Variants in DYSF observed in about 807,000 individuals in gnomAD.
DYSF encodes the protein dysferlin.
In DYSF, 212 loss-of-function variants were observed where a neutral mutation model predicts 274.9. The observed-to-expected ratio is 0.77, with a 90% CI of 0.69 to 0.86. The LOEUF (loss-of-function observed/expected upper bound fraction) is 0.86, where lower values mean the gene tolerates loss of function less well. Ranked by LOEUF, DYSF falls within the 40% of genes least tolerant of loss-of-function variation. The pLI, the probability that DYSF is intolerant of heterozygous loss-of-function variation, is 0.00. For synonymous variants in DYSF, 1,091 were observed against 1,078.7 expected, an observed-to-expected ratio of 1.01 and a Z score of -0.22; for missense variants, 2,666 against 2,783.2, an observed-to-expected ratio of 0.96 and a Z score of 0.95.
intron 30 of DYSF, among the ~76,000 whole-genome samples, chr2:71,585,469 A>G (rs1000028590): frequency 6.6e-6 from 1 of 152,054 alleles, no homozygotes; most frequent in East Asian, 1.9e-4. Flanking sequence ...CGGGAGGGAG[A>G]TGCTTCCCCA....
chr2:71,520,513 C>T (rs932150908), intron 11 of DYSF, among the ~76,000 whole-genome samples: 1 of 152,214 alleles, frequency 6.6e-6, no homozygotes, highest in African/African-American at 2.4e-5. Context: ...TTTCTCCTCA[C>T]CCTGGTTTCC....
chr2:71,646,785 C>G (rs945263731), intron 42 of DYSF, among the ~76,000 whole-genome samples: 3 of 152,128 alleles, frequency 2.0e-5, no homozygotes, highest in African/African-American at 7.2e-5. Flanking sequence ...GTGACAAGGA[C>G]TCTTAGACTA....
chr2:71,581,858 G>T (rs1043581534), intron 30 of DYSF, among the ~76,000 whole-genome samples: 6 of 152,168 alleles, frequency 3.9e-5, no homozygotes, highest in Non-Finnish European at 7.3e-5. Flanking sequence ...TTGTAAATAA[G>T]GCTTTATTGG....
chr2:71,675,624 C>T (rs183618908), intron 52 of DYSF, among the ~76,000 whole-genome samples: 45 of 152,278 alleles, frequency 3.0e-4, no homozygotes, highest in African/African-American at 9.9e-4. Flanking sequence ...GTGCAAAAAG[C>T]GTGGCACCAA....
intron 41 of DYSF, among the ~76,000 whole-genome samples, chr2:71,641,938 A>T (rs371875755): frequency 7.9e-5 from 12 of 152,246 alleles, no homozygotes; most frequent in African/African-American, 2.9e-4. Context: ...TGCTCCAAAG[A>T]TGCTGGAAAA....
intron 36 of DYSF, among the ~76,000 whole-genome samples, chr2:71,605,499 G>C (rs2093630308): frequency 6.6e-6 from 1 of 152,152 alleles, no homozygotes; most frequent in Non-Finnish European, 1.5e-5. Context: ...AAGACCCATG[G>C]GGCTTGTGAT....
At position 71,644,176 on chromosome 2, in the gene DYSF, G is replaced by A. The variant is rs112324887; in HGVS notation, c.4626+113G>A. On this transcript the variant is annotated intron_variant, in intron 42 of 55. Coordinates refer to ENST00000410020, the MANE Select transcript of DYSF (RefSeq NM_001130987.2). ...TGTATTTGCATTTGTCTCCTCATTC[G>A]GTGTCTGAGGGTGATGAATGCTGCT... The A allele has an allele frequency of 3.9e-4, 361 of 924,104 alleles. 2 individuals carry two copies. The African/African-American group carries it at 4.5e-3, about 12-fold the overall frequency. The allele number at this position is 924,104 out of a possible 1,614,324, so 57.2% of individuals were successfully genotyped here.
intron 45 of DYSF, among the ~76,000 whole-genome samples, chr2:71,662,549 GTATA>G (rs1159766895): frequency 7.9e-5 from 12 of 151,750 alleles, no homozygotes; most frequent in African/African-American, 1.2e-4. Flanking sequence ...TGTGGTGTGT[GTATA>G]TATGTGTGCA....
chr2:71,626,657 A>AT lies in DYSF; in HGVS notation c.4527+6054dup, dbSNP rs1422380173. 2.0e-5 allele frequency among the ~76,000 whole-genome samples: 3 copies of AT among 151,568 alleles called. No individual in the cohort carries two copies. The East Asian group carries it at 5.8e-4, about 29-fold the overall frequency. On this transcript the variant is annotated intron_variant, in intron 41 of 55. Transcript: ENST00000410020. ...GTAAGTTTAGGACTTTTTTTGCATCATTTTTTGGGATGATATTGGCTTAAA... is the reference window on the plus strand; with the variant it reads ...GTAAGTTTAGGACTTTTTTTGCATCATTTTTTTGGGATGATATTGGCTTAAA...
intron 40 of DYSF, among the ~76,000 whole-genome samples, chr2:71,617,615 TGG>T: frequency 7.3e-6 from 1 of 136,084 alleles, no homozygotes; most frequent in East Asian, 2.3e-4. Flanking sequence ...TGTGTGTATG[TGG>T]GGTAGAGGTG....
intron 32 of DYSF, among the ~76,000 whole-genome samples, chr2:71,590,689 A>G (rs1264806709): frequency 1.3e-5 from 2 of 151,970 alleles, no homozygotes; most frequent in African/African-American, 2.4e-5. Flanking sequence ...CACTCACCTC[A>G]GTTCATCCTG....
intron 17 of DYSF, among the ~76,000 whole-genome samples, chr2:71,540,256 G>A (rs950337589): frequency 2.0e-4 from 30 of 151,868 alleles, no homozygotes; most frequent in Admixed American, 1.4e-3. Flanking sequence ...GACTACAGGC[G>A]CGCGCCACCA....
At chr2:71,673,773 A>G (rs1177415144) in intron 51 of DYSF, among the ~76,000 whole-genome samples, 4 of 152,166 alleles carry the variant, frequency 2.6e-5, no homozygotes, top group African/African-American at 7.2e-5. Context: ...CTGTAAAGAT[A>G]GTATCTCCTT....
At chr2:71,566,374 A>AC (rs1253623877) in intron 24 of DYSF, among the ~76,000 whole-genome samples, 2 of 151,846 alleles carry the variant, frequency 1.3e-5, no homozygotes, top group Non-Finnish European at 2.9e-5. Flanking sequence ...AAAAAAAAAA[A>AC]AAAGATATAG....
chr2:71,581,510 G>T (rs948331527), intron 30 of DYSF, among the ~76,000 whole-genome samples: 34 of 152,358 alleles, frequency 2.2e-4, no homozygotes, highest in African/African-American at 7.7e-4. Flanking sequence ...CCTGCAAGCT[G>T]AGGCTGGAGC....
rs1191202877 is a variant in DYSF, at chr2:71,519,590, A to G, written c.1003-588A>G. On this transcript the variant is annotated intron_variant, in intron 10 of 55. Coordinates refer to ENST00000410020, the MANE Select transcript of DYSF (RefSeq NM_001130987.2). Reference sequence around the variant, plus strand: ...CAGGAAGGAATAAAAAATGAAATAAAAATAATCCAAATCTACCATGCAGGG... The same window carrying G: ...CAGGAAGGAATAAAAAATGAAATAAGAATAATCCAAATCTACCATGCAGGG... Among the ~76,000 whole-genome samples the G allele has an allele frequency of 2.6e-5, 4 of 152,298 alleles. No individual in the cohort carries two copies. The East Asian group carries it at 7.7e-4, about 29-fold the overall frequency.
rs1325478046 is a variant in DYSF at position 71,526,250 on chromosome 2, G to A, written c.1180G>A (p.Glu394Lys). ...GAGAAAAGACCCCTCTGAAGACAAG[G>A]AGGACATTGAAAGCAACCTGCTCCG... ...LERKDPSEDK[E>K]DIESNLLRPT... The change falls in exon 13 of 56, where the codon GAG becomes AAG. Residue 394 changes from glutamate (E) to lysine (K), a missense_variant. This residue lies in a region of DYSF where 794 missense variants were observed against 777.1 expected (regional missense o/e 1.02). Transcript: ENST00000410020. 2.5e-6 allele frequency: 4 copies of A among 1,614,236 alleles called. No homozygotes were observed. In the South Asian group the frequency reaches 3.3e-5, roughly 13 times the overall value.
chr2:71,613,531 C>G (rs1389314418), intron 40 of DYSF, 121 bp downstream of exon 40: 13 of 927,414 alleles, frequency 1.4e-5, no homozygotes, highest in Middle Eastern at 2.1e-4. Context: ...CCCTTCTGGG[C>G]TCTGCGGTTG....
At chr2:71,510,172 A>G (rs2085937720) in intron 4 of DYSF, among the ~76,000 whole-genome samples, 1 of 152,182 alleles carries the variant, frequency 6.6e-6, no homozygotes, top group South Asian at 2.1e-4. Context: ...TCCCTGCCCT[A>G]GCCCTGGAAG....
Sources: allele counts gnomAD v4.1 joint callset (sites outside exome capture counted in the v4.1 genomes callset), GRCh38; gene constraint gnomAD v4.1.1; regional missense constraint gnomAD v4.1.1; transcripts MANE v1.5; gene names NCBI Gene and HGNC (gene_info 2026-07-23, HGNC 2026-07-21).